PDXK: variants seen among roughly 807,000 people sequenced by gnomAD.
The protein encoded by PDXK is pyridoxal kinase.
A neutral mutation model predicts 43.2 loss-of-function variants in PDXK; 15 were observed. The ratio of observed to expected loss-of-function variants is 0.35; its 90% CI spans 0.23 to 0.53. PDXK has a LOEUF of 0.53. PDXK is among the 20% of genes least tolerant of loss of function. PDXK has a pLI of 0.92. For missense variants in PDXK, 343 were observed against 417.0 expected (o/e 0.82, Z 1.54); for synonymous variants, 172 against 165.4 (o/e 1.04, Z -0.31).
In PDXK at chr21:43,747,880, G is replaced by A. The variant is rs144253494; in HGVS notation, c.379-1115G>A. On this transcript the variant is annotated intron_variant, in intron 5 of 10. Transcript: ENST00000291565. ...GTTGGCCCTCCCTACCCAAAATGGGGCTCTAAAGAGCTTTCCTTCGATTTC... is the reference window on the plus strand; with the variant it reads ...GTTGGCCCTCCCTACCCAAAATGGGACTCTAAAGAGCTTTCCTTCGATTTC... Among the ~76,000 whole-genome samples, 140 of 152,294 alleles carry A rather than the reference G, an allele frequency of 9.2e-4. 1 individual carries two copies. The highest frequency in any genetic ancestry group is 3.2e-3 in the African/African-American group (134 of 41,568).
chr21:43,750,962 A>ATATGTGTGTGTGTG (rs36141783), intron 7 of PDXK, among the ~76,000 whole-genome samples: 13 of 150,738 alleles, frequency 8.6e-5, no homozygotes, highest in Admixed American at 4.6e-4. Context: ...ATGTGTGTGC[A>ATATGTGTGTGTGTG]TGTGTGTGTG....
At chr21:43,724,855 G>A (rs1411230508) in intron 1 of PDXK, among the ~76,000 whole-genome samples, 1 of 144,622 alleles carries the variant, frequency 6.9e-6, no homozygotes, top group Non-Finnish European at 1.5e-5. Flanking sequence ...AAAAAAAAAA[G>A]TAAAAAATAA....
intron 8 of PDXK, among the ~76,000 whole-genome samples, chr21:43,753,237 C>T (rs542537694): frequency 1.3e-5 from 2 of 152,278 alleles, no homozygotes; most frequent in African/African-American, 2.4e-5. Flanking sequence ...TGCATACACA[C>T]GGACACACAT....
chr21:43,742,734 A>G (rs2083559308), intron 3 of PDXK, among the ~76,000 whole-genome samples: 1 of 152,096 alleles, frequency 6.6e-6, no homozygotes. Context: ...TTAAAAATTA[A>G]TTAGCTGGGC....
intron 1 of PDXK, among the ~76,000 whole-genome samples, chr21:43,731,884 T>A (rs1266898873): frequency 6.6e-6 from 1 of 152,210 alleles, no homozygotes; most frequent in Non-Finnish European, 1.5e-5. Flanking sequence ...CAGCATTGGC[T>A]CCACACAGCT....
intron 9 of PDXK, chr21:43,755,453 T>G: frequency 1.8e-6 from 1 of 556,964 alleles, no homozygotes; most frequent in Non-Finnish European, 3.2e-6. Flanking sequence ...GTCCCTTCTG[T>G]GAGCCATCTC....
chr21:43,758,076 C>T lies in PDXK; in HGVS notation c.*2013C>T, dbSNP rs2083881052. ...CTGTCCTGTGAGCTGGTGAAAAACC[C>T]AGCATGAGAACGCAGTGTCAGGTGT... On this transcript the variant is annotated 3_prime_UTR_variant, in exon 11 of 11. Coordinates refer to ENST00000291565, the MANE Select transcript of PDXK (RefSeq NM_003681.5). The T allele has an allele frequency of 6.5e-6, 1 of 153,442 alleles. No individual in the cohort carries two copies. The highest frequency in any genetic ancestry group is 2.4e-5 in the African/African-American group (1 of 41,326). The allele number at this position is 153,442 out of a possible 1,614,324, so 9.5% of individuals were successfully genotyped here.
At chr21:43,736,391 G>A (rs2083402307) in intron 2 of PDXK, among the ~76,000 whole-genome samples, 1 of 152,226 alleles carries the variant, frequency 6.6e-6, no homozygotes, top group African/African-American at 2.4e-5. Context: ...ACCAGCTCAC[G>A]CCCTGTGTGA....
chr21:43,740,344 A>G (rs2083475494), intron 2 of PDXK, among the ~76,000 whole-genome samples: 1 of 152,124 alleles, frequency 6.6e-6, no homozygotes, highest in African/African-American at 2.4e-5. Context: ...GCCACAGGGC[A>G]TGGCGCGTGG....
chr21:43,741,452 G>A (rs1200439277), intron 2 of PDXK: 3 of 676,144 alleles, frequency 4.4e-6, no homozygotes, highest in Non-Finnish European at 5.8e-6. Flanking sequence ...GGGGGGGCTC[G>A]CGGGGGGCTC....
At chr21:43,730,363 T>G (rs1168453701) in intron 1 of PDXK, among the ~76,000 whole-genome samples, 1 of 152,118 alleles carries the variant, frequency 6.6e-6, no homozygotes, top group Non-Finnish European at 1.5e-5. Flanking sequence ...TGACCTCAGG[T>G]GATCCTCCCA....
intron 9 of PDXK, 150 bp from the exon 10 acceptor site, chr21:43,755,548 G>A (rs2083833033): frequency 1.4e-6 from 1 of 708,042 alleles, no homozygotes; most frequent in African/African-American, 1.7e-5. Context: ...TGTCCTCCAG[G>A]GTTCAGCACG....
At chr21:43,726,259 T>G (rs2083251814) in intron 1 of PDXK, among the ~76,000 whole-genome samples, 1 of 146,108 alleles carries the variant, frequency 6.8e-6, no homozygotes, top group African/African-American at 2.7e-5. Flanking sequence ...CGTTTTCCAT[T>G]TTTTCTTTTT....
chr21:43,752,741 A>G, intron 8 of PDXK, 112 bp downstream of exon 8: 2 of 671,180 alleles, frequency 3.0e-6, no homozygotes, highest in Middle Eastern at 2.6e-4. Context: ...AGCCTTATCC[A>G]GCACCGGGAT....
At chr21:43,728,586 G>A (rs1047214332) in intron 1 of PDXK, 3 of 372,210 alleles carry the variant, frequency 8.1e-6, no homozygotes, top group Non-Finnish European at 1.1e-5. Context: ...CCGCGCTCAC[G>A]TAGTGTCTGG....
chr21:43,743,930 C>T, intron 4 of PDXK, 123 bp downstream of exon 4: 1 of 699,070 alleles, frequency 1.4e-6, no homozygotes, highest in Non-Finnish European at 2.6e-6. Flanking sequence ...CCCCGCCTCT[C>T]CGGGCCAGTG....
At position 43,754,531 on chromosome 21, in the gene PDXK, A is replaced by G. The variant is rs1002274242; in HGVS notation, c.759+812A>G. Among the ~76,000 whole-genome samples the G allele has an allele frequency of 2.0e-5, 3 of 152,076 alleles. No homozygotes were observed. Among genetic ancestry groups the G allele is most frequent in the African/African-American group, 7.2e-5 (3 of 41,394 alleles). ...GGACGCCTGGAGTGTGTCTTCTTAC[A>G]ACACCGTCCAGAGCCGTGCTGTGCT... is the stretch of plus-strand genomic sequence containing the variant. On this transcript the variant is annotated intron_variant, in intron 9 of 10. Transcript: ENST00000291565. This position sits in a 1 kb window ranked among gnomAD's most constrained non-coding sequence, Gnocchi z 5.5.
intron 9 of PDXK, 72 bp from the exon 10 acceptor site, chr21:43,755,626 C>T: frequency 1.6e-6 from 2 of 1,274,206 alleles, no homozygotes; most frequent in East Asian, 2.3e-5. Context: ...CTGGAAATCC[C>T]CTCCTGGCAG....
intron 1 of PDXK, among the ~76,000 whole-genome samples, chr21:43,725,911 C>T (rs545847214): frequency 1.3e-4 from 20 of 152,318 alleles, no homozygotes; most frequent in Non-Finnish European, 2.5e-4. Context: ...AGAGGTGATG[C>T]TGATGCTGTA....
Sources: allele counts gnomAD v4.1 joint callset (sites outside exome capture counted in the v4.1 genomes callset), GRCh38; gene constraint gnomAD v4.1.1; non-coding constraint Gnocchi (gnomAD v3.1); transcripts MANE v1.5; gene names NCBI Gene and HGNC (gene_info 2026-07-23, HGNC 2026-07-21).